SYNE2: variants seen among roughly 807,000 people sequenced by gnomAD.
SYNE2 encodes nesprin-2.
A neutral mutation model predicts 856.3 loss-of-function variants in SYNE2; 431 were observed. That is an observed-to-expected ratio of 0.50 (90% CI 0.47 to 0.55). The LOEUF (loss-of-function observed/expected upper bound fraction) is 0.55. Among genes scored for constraint, SYNE2 ranks in the 20% least tolerant of loss-of-function variants. The pLI is 0.00. For synonymous variants in SYNE2, 2,923 were observed against 2,872.3 expected, an observed-to-expected ratio of 1.02 and a Z score of -0.56; for missense variants, 8,129 against 8,023.2, an observed-to-expected ratio of 1.01 and a Z score of -0.50.
In SYNE2 at chr14:63,986,635, TTA is replaced by T; in HGVS notation, c.2313+19_2313+20del. 1 of 1,612,556 alleles carries T rather than the reference TTA, an allele frequency of 6.2e-7. No individual in the cohort carries two copies. The highest frequency in any genetic ancestry group is 1.1e-5 in the South Asian group (1 of 91,044). On this transcript the variant is annotated intron_variant, in intron 19 of 115. Transcript: ENST00000555002. ...CTTTGAAGGTATGTGTGTAAAAGTATTAAGAGGGTACTTTCATGGTTGTGCAT... is the reference window on the plus strand; with the variant it reads ...CTTTGAAGGTATGTGTGTAAAAGTATAGAGGGTACTTTCATGGTTGTGCAT...
intron 14 of SYNE2, among the ~76,000 whole-genome samples, chr14:63,979,834 G>A (rs1269968081): frequency 2.0e-5 from 3 of 152,158 alleles, no homozygotes; most frequent in Non-Finnish European, 4.4e-5. Context: ...CTGGGAGGTG[G>A]AGGTTGCAGT....
At chr14:63,974,284 C>T (rs548271335) in intron 11 of SYNE2, among the ~76,000 whole-genome samples, 2 of 152,218 alleles carry the variant, frequency 1.3e-5, no homozygotes, top group South Asian at 4.1e-4. Flanking sequence ...GTACAAGAAG[C>T]GTGGCACCAG....
chr14:64,184,992 G>A (rs1041689594), intron 96 of SYNE2, among the ~76,000 whole-genome samples: 3 of 152,186 alleles, frequency 2.0e-5, no homozygotes, highest in East Asian at 1.9e-4. Flanking sequence ...ATGGTGGCTC[G>A]CCCTTGTCAT....
At chr14:64,125,243 G>T in intron 71 of SYNE2, 33 bp downstream of exon 71, 1 of 1,613,294 alleles carries the variant, frequency 6.2e-7, no homozygotes, top group South Asian at 1.1e-5. Flanking sequence ...TTTCCTCATT[G>T]TAATAACATA....
chr14:64,140,254 AAT>A (rs1297022757), intron 80 of SYNE2, among the ~76,000 whole-genome samples, 181 bp downstream of exon 80: 2 of 152,172 alleles, frequency 1.3e-5, no homozygotes, highest in Non-Finnish European at 2.9e-5. Flanking sequence ...TTTATAATAA[AAT>A]ATGTTTTTAA....
At chr14:63,790,757 A>T (rs1443471546) in intron 1 of SYNE2, among the ~76,000 whole-genome samples, 1 of 152,158 alleles carries the variant, frequency 6.6e-6, no homozygotes, top group Non-Finnish European at 1.5e-5. Context: ...TGCAGAAAGA[A>T]TTGCCACAAT....
chr14:63,961,588 A>G lies in SYNE2; in HGVS notation c.851A>G (p.Tyr284Cys). The G allele has an allele frequency of 6.2e-7, 1 of 1,614,128 alleles. No individual in the cohort carries two copies. Among genetic ancestry groups the G allele is most frequent in the Non-Finnish European group, 8.5e-7 (1 of 1,179,992 alleles). ...ACCTATGTGGCACAGTTTCTGCAGT[A>G]TTCCAAAGATGCCCCTGGGACTGGA... ...IMTYVAQFLQYSKDAPGTGEE... is the reference protein window; with the variant it reads ...IMTYVAQFLQCSKDAPGTGEE... The change falls in exon 9 of 116, where the codon TAT (tyrosine) becomes TGT (cysteine). Residue 284 changes from tyrosine to cysteine, a missense_variant. Tyr to Cys is a radical substitution (Grantham distance 194). Coordinates refer to ENST00000555002, the MANE Select transcript of SYNE2 (RefSeq NM_182914.3).
At chr14:64,211,049 A>G (rs1225683033) in intron 103 of SYNE2, among the ~76,000 whole-genome samples, 5 of 151,838 alleles carry the variant, frequency 3.3e-5, no homozygotes, top group Admixed American at 2.0e-4. Context: ...TGGTGAGATC[A>G]TAGCTCACTG....
chr14:63,833,209 A>G (rs533885963), intron 1 of SYNE2, among the ~76,000 whole-genome samples: 1 of 151,854 alleles, frequency 6.6e-6, no homozygotes, highest in South Asian at 2.1e-4. Context: ...GCCCTGTCCA[A>G]AAAAAAAGAA....
rs910562907 is a variant in SYNE2, at chr14:64,067,929, T to C, written c.10431+2279T>C. Reference sequence around the variant, plus strand: ...TTTCTTTGTTGGGTCTCTTTTCTGCTGGTTCTGGGTTTTTTGGTCTCCTTC... The same window carrying C: ...TTTCTTTGTTGGGTCTCTTTTCTGCCGGTTCTGGGTTTTTTGGTCTCCTTC... On this transcript the variant is annotated intron_variant, in intron 51 of 115. Coordinates refer to ENST00000555002, the MANE Select transcript of SYNE2 (RefSeq NM_182914.3). Among the ~76,000 whole-genome samples the C allele has an allele frequency of 3.9e-5, 6 of 152,216 alleles. 1 individual carries two copies.
Position 64,051,831 on chromosome 14 carries a change from A to G in SYNE2, c.7918A>G (p.Ile2640Val), listed in dbSNP as rs749275857. Residue 2640 changes from isoleucine (I) to valine (V), a missense_variant, in exon 48 of 116, where the codon ATT becomes GTT. By Grantham distance (29) the Ile-to-Val change is conservative (BLOSUM62 3). Around this residue, in one of 3 missense-constraint regions of SYNE2, gnomAD observed 5,410 missense variants for 5,284.8 expected, o/e 1.02. Transcript: ENST00000555002. Reference sequence around the variant, plus strand: ...CATGAATAAGGTACAGGACACTGAGATTTCTCTGCAACAGCAGCAGCAACA... The same window carrying G: ...CATGAATAAGGTACAGGACACTGAGGTTTCTCTGCAACAGCAGCAGCAACA... ...TLMNKVQDTE[I>V]SLQQQQQHLQ... 1.9e-6 allele frequency: 3 copies of G among 1,614,106 alleles called. No homozygotes were observed. The South Asian group carries it at 3.3e-5, about 18-fold the overall frequency.
chr14:64,178,618 C>T (rs2098445041), intron 96 of SYNE2, among the ~76,000 whole-genome samples: 1 of 152,068 alleles, frequency 6.6e-6, no homozygotes, highest in Non-Finnish European at 1.5e-5. Context: ...ACCGCCATGC[C>T]CGGCTAATTT....
chr14:64,143,617 C>T (rs2098158034), intron 82 of SYNE2, among the ~76,000 whole-genome samples, 155 bp from the exon 83 acceptor site: 1 of 152,188 alleles, frequency 6.6e-6, no homozygotes, highest in South Asian at 2.1e-4. Context: ...AAAGCCAACT[C>T]CTGGTGTAGG....
intron 103 of SYNE2, among the ~76,000 whole-genome samples, chr14:64,210,476 C>G (rs1209278223): frequency 6.6e-6 from 1 of 152,184 alleles, no homozygotes; most frequent in Admixed American, 6.5e-5. Context: ...GGAAGGAGCC[C>G]CGCTTTGCCC....
intron 1 of SYNE2, among the ~76,000 whole-genome samples, chr14:63,893,511 G>A (rs973317988): frequency 6.6e-6 from 1 of 152,088 alleles, no homozygotes; most frequent in Non-Finnish European, 1.5e-5. Flanking sequence ...CTGCAGTAAG[G>A]TAAGATCGTG....
intron 96 of SYNE2, among the ~76,000 whole-genome samples, chr14:64,183,041 G>A (rs1387202697): frequency 1.3e-5 from 2 of 151,144 alleles, no homozygotes; most frequent in African/African-American, 2.4e-5. Context: ...CTCCCGGACG[G>A]GGCGGCTGCT....
chr14:64,167,874 A>G (rs1038649217), intron 92 of SYNE2, among the ~76,000 whole-genome samples: 1 of 152,234 alleles, frequency 6.6e-6, no homozygotes, highest in Non-Finnish European at 1.5e-5. Context: ...TCTGCAGTAC[A>G]TGGAAGCTTC....
At position 63,941,960 on chromosome 14, in the gene SYNE2, T is replaced by C; in HGVS notation, c.313T>C (p.Ser105Pro). ...EHALTFLRNR[S>P]IKLINIHVTD... ...TGCCTTGACATTCCTAAGAAACCGA[T>C]CAGTAAGTATAAATTTTTCTTAAAA... Residue 105 changes from serine to proline, a missense_variant and splice_region_variant, in exon 5 of 116, where the codon TCA becomes CCA. Ser to Pro is a moderately conservative substitution (Grantham distance 74). Around this residue, in one of 3 missense-constraint regions of SYNE2, gnomAD observed 2,422 missense variants for 2,357.4 expected, o/e 1.03. Coordinates refer to ENST00000555002, the MANE Select transcript of SYNE2 (RefSeq NM_182914.3). 1 of 1,611,998 alleles carries C rather than the reference T, an allele frequency of 6.2e-7. No individual in the cohort carries two copies. The highest frequency in any genetic ancestry group is 1.1e-5 in the South Asian group (1 of 91,052).
At chr14:64,035,096 C>T (rs575141763) in intron 45 of SYNE2, among the ~76,000 whole-genome samples, 51 of 151,476 alleles carry the variant, frequency 3.4e-4, no homozygotes, top group Non-Finnish European at 5.6e-4. Context: ...TTATCATTGA[C>T]GTAATTGTTA....
Sources: allele counts gnomAD v4.1 joint callset (sites outside exome capture counted in the v4.1 genomes callset), GRCh38; gene constraint gnomAD v4.1.1; regional missense constraint gnomAD v4.1.1; transcripts MANE v1.5; gene names NCBI Gene and HGNC (gene_info 2026-07-23, HGNC 2026-07-21).